Variants in PLCH2 observed in about 807,000 individuals in gnomAD.
PLCH2 encodes phospholipase C eta 2, also known as 1-phosphatidylinositol 4,5-bisphosphate phosphodiesterase eta-2.
A neutral mutation model predicts 134.7 loss-of-function variants in PLCH2; 98 were observed. That is an observed-to-expected ratio of 0.73 (90% CI 0.62 to 0.86). The LOEUF (loss-of-function observed/expected upper bound fraction) is 0.86, where lower values mean the gene tolerates loss of function less well. Ranked by LOEUF, PLCH2 falls within the 40% of genes least tolerant of loss-of-function variation. PLCH2 has a pLI of 0.00. For missense variants in PLCH2, 1,994 were observed against 1,986.6 expected (o/e 1.00, Z -0.07); for synonymous variants, 974 against 827.5 (o/e 1.18, Z -3.04).
rs1212527145 is a variant in PLCH2, at chr1:2,429,935, T to C, written c.-177-403T>C. Among the ~76,000 whole-genome samples, 3 of 152,186 alleles carry C rather than the reference T, an allele frequency of 2.0e-5. No individual in the cohort carries two copies. In the South Asian group the frequency reaches 6.2e-4, roughly 31 times the overall value. On this transcript the variant is annotated intron_variant, in intron 1 of 3. Coordinates refer to the PLCH2 transcript ENST00000609981. ...CTTTGCAAATGTGCTCCTGGGAGAC[T>C]GGCTGGTTTCTGTAAAGCGACTCCT...
At position 2,502,328 on chromosome 1, in the gene PLCH2, G is replaced by A. The variant is rs1262017662; in HGVS notation, c.2878G>A (p.Ala960Thr). Residue 960 changes from alanine to threonine, a missense_variant, in exon 21 of 22, where the codon GCA (alanine) becomes ACA (threonine). Ala to Thr is a moderately conservative substitution (Grantham distance 58). Around this residue, in one of 2 missense-constraint regions of PLCH2, gnomAD observed 900 missense variants for 752.3 expected, o/e 1.20. Transcript: ENST00000378486. ...GTRDTGSKGV[A>T]DDVVPPGPGP... is the part of the protein sequence containing the mutation. The stretch of plus-strand genomic sequence containing the variant: ...ACGGGACACAGGCTCCAAGGGGGTG[G>A]CAGACGATGTGGTGCCCCCCGGGCC... The A allele has an allele frequency of 6.5e-7, 1 of 1,535,250 alleles. No individual in the cohort carries two copies. The highest frequency in any genetic ancestry group is 8.8e-7 in the Non-Finnish European group (1 of 1,141,546).
intron 10 of PLCH2, among the ~76,000 whole-genome samples, chr1:2,490,112 A>G (rs1403031416): frequency 7.3e-6 from 1 of 136,790 alleles, no homozygotes; most frequent in South Asian, 2.3e-4. Flanking sequence ...TTGGGGTACC[A>G]TCCACTCCCC....
In PLCH2 at chr1:2,504,359, C is replaced by T. The variant is rs199730125; in HGVS notation, c.3397C>T (p.Arg1133Trp). Residue 1133 changes from arginine (R) to tryptophan (W), a missense_variant, in exon 22 of 22, where the codon CGG (arginine) becomes TGG (tryptophan). Physicochemically the swap from Arg to Trp is moderately radical, Grantham distance 101. This residue lies in a region of PLCH2 where 900 missense variants were observed against 752.3 expected (regional missense o/e 1.20). Transcript: ENST00000378486. ...DATGSDPLWQ[R>W]LEPCGHRDSV... is the part of the protein sequence containing the mutation. The stretch of plus-strand genomic sequence containing the variant: ...CACGGGCAGTGACCCGCTGTGGCAG[C>T]GGCTGGAGCCATGTGGCCACCGAGA... The T allele has an allele frequency of 2.9e-4, 469 of 1,610,182 alleles. 2 individuals carry two copies. In the Middle Eastern group the frequency reaches 3.3e-3, roughly 11 times the overall value.
chr1:2,494,984 G>C, intron 12 of PLCH2, 36 bp downstream of exon 12: 1 of 1,435,620 alleles, frequency 7.0e-7, no homozygotes, highest in South Asian at 1.2e-5. Context: ...TCCCGGTCTG[G>C]GCCCAGTGTC....
At chr1:2,426,859 G>A (rs956524834) in intron 1 of PLCH2, among the ~76,000 whole-genome samples, 2 of 152,266 alleles carry the variant, frequency 1.3e-5, no homozygotes. Context: ...TGGGGGCAGC[G>A]GCTGAGCTTG....
chr1:2,480,359 GGGGGCTGTGCT>G (rs1352102637), intron 4 of PLCH2, 47 bp downstream of exon 4: 2 of 1,589,898 alleles, frequency 1.3e-6, no homozygotes, highest in Non-Finnish European at 1.7e-6. Flanking sequence ...AGGGCTGCAC[GGGGGCTGTGCT>G]TGTGTGGCTG....
At chr1:2,442,418 C>T (rs1175199332) in intron 2 of PLCH2, among the ~76,000 whole-genome samples, 1 of 152,220 alleles carries the variant, frequency 6.6e-6, no homozygotes, top group African/African-American at 2.4e-5. Flanking sequence ...GAGTGACACG[C>T]TCCCACGCAC....
chr1:2,503,133 CTGGTT>C, intron 21 of PLCH2: 1 of 666,630 alleles, frequency 1.5e-6, no homozygotes, highest in Non-Finnish European at 2.7e-6. Flanking sequence ...TTGGGTGGAG[CTGGTT>C]TGAGGCCCGA....
chr1:2,491,263 G>A lies in PLCH2; in HGVS notation c.1587G>A (p.Lys529=). The change falls in exon 11 of 22, where the codon AAG becomes AAA. Residue 529 remains lysine, a synonymous_variant. Coordinates refer to ENST00000378486, the MANE Select transcript of PLCH2 (RefSeq NM_014638.4). ...RKLDSLIKES[K]IRDCEDPNNF... ...TGGATTCCCTCATCAAAGAGTCGAA[G>A]ATTCGGGACTGTGAGGACCCCAACA... The A allele has an allele frequency of 6.2e-7, 1 of 1,613,380 alleles. No individual in the cohort carries two copies. Among genetic ancestry groups the A allele is most frequent in the South Asian group, 1.1e-5 (1 of 91,086 alleles).
At chr1:2,487,798 C>G in intron 8 of PLCH2, 80 bp downstream of exon 8, 2 of 1,333,466 alleles carry the variant, frequency 1.5e-6, no homozygotes, top group Non-Finnish European at 2.1e-6. Context: ...CCTGCCACAC[C>G]CACATGTCCT....
chr1:2,501,899 G>A lies in PLCH2; in HGVS notation c.2662-213G>A, dbSNP rs529521388. 1,588 of 500,646 alleles carry A rather than the reference G, an allele frequency of 3.2e-3. 7 individuals carry two copies. The highest frequency in any genetic ancestry group is 4.6e-3 in the Non-Finnish European group (1,329 of 288,184). The allele number at this position is 500,646 out of a possible 1,614,324, so 31.0% of individuals were successfully genotyped here. A position where few individuals can be genotyped will look rare whatever the true frequency, so the allele number is the denominator to read the frequency against. On this transcript the variant is annotated intron_variant, in intron 20 of 21. Transcript: ENST00000378486. The stretch of plus-strand genomic sequence containing the variant: ...GGGTGGGCCATGTGTACTTAGATCT[G>A]TAGCAGCTACTGTCCCAGGCAGAGC...
At chr1:2,425,107 G>A (rs1638716813), upstream of PLCH2, among the ~76,000 whole-genome samples, 1 of 150,298 alleles carries the variant, frequency 6.7e-6, no homozygotes, top group Non-Finnish European at 1.5e-5. Context: ...AGGCTGCAGT[G>A]AGCGGAGATC....
chr1:2,496,786 G>A lies in PLCH2; in HGVS notation c.1934-42G>A, dbSNP rs750003983. ...GCTATGCTGCTGGGCGCCGGGCGAG[G>A]TCGAGGACTGGCAGTCTGATGCCCG... On this transcript the variant is annotated intron_variant, in intron 14 of 21. Transcript: ENST00000378486. 1.1e-5 allele frequency: 18 copies of A among 1,610,660 alleles called. 1 individual carries two copies. In the South Asian group the frequency reaches 1.9e-4, roughly 17 times the overall value.
intron 2 of PLCH2, among the ~76,000 whole-genome samples, chr1:2,456,398 C>T (rs1231410976): frequency 6.6e-6 from 1 of 152,230 alleles, no homozygotes; most frequent in African/African-American, 2.4e-5. Context: ...GCGGGTGGCG[C>T]TCTAGCCACG....
chr1:2,504,116 C>T lies in PLCH2; in HGVS notation c.3154C>T (p.Arg1052Ter), dbSNP rs369709463. The change falls in exon 22 of 22, where the codon CGA becomes TGA. Residue 1052 changes from arginine to a stop codon, truncating the protein, a stop_gained. Transcript: ENST00000378486. LOFTEE classifies it high-confidence loss of function. Reference protein sequence around the residue: ...ASPLEDTEEPRDSRPRPCNGE... With the variant: ...ASPLEDTEEP ...CCCCCTAGAGGACACTGAGGAGCCC[C>T]GAGACAGCAGGCCTCGGCCGTGCAA... 1.4e-5 allele frequency: 22 copies of T among 1,524,764 alleles called. No homozygotes were observed. Among genetic ancestry groups the T allele is most frequent in the African/African-American group, 5.6e-5 (4 of 71,382 alleles). 94.5% of individuals were successfully genotyped at this position (1,524,764 alleles called of 1,614,324 possible).
chr1:2,427,764 C>T lies in PLCH2; in HGVS notation c.-178+1727C>T, dbSNP rs1002119430. The stretch of plus-strand genomic sequence containing the variant: ...ACCGCAGGTATTGAAACAGAAGCAG[C>T]CGGCGAGCCCTCCAGAAGTGGGAGC... On this transcript the variant is annotated intron_variant, in intron 1 of 3. Coordinates refer to the PLCH2 transcript ENST00000609981. Among the ~76,000 whole-genome samples, 5 of 152,086 alleles carry T rather than the reference C, an allele frequency of 3.3e-5. No individual in the cohort carries two copies. The South Asian group carries it at 1.0e-3, about 31-fold the overall frequency.
the PLCH2 span, among the ~76,000 whole-genome samples, chr1:2,419,970 C>G: frequency 3.3e-5 from 5 of 151,044 alleles, no homozygotes; most frequent in East Asian, 2.0e-4. Context: ...AGTCCCCCCC[C>G]CACCCCCAGG....
At chr1:2,454,585 A>C (rs1053741607) in intron 2 of PLCH2, among the ~76,000 whole-genome samples, 13 of 152,020 alleles carry the variant, frequency 8.6e-5, no homozygotes, top group African/African-American at 3.1e-4. Context: ...GGTGGACCCC[A>C]GGCCTTCCTG....
At chr1:2,462,968 C>G (rs1338165768), upstream of PLCH2, among the ~76,000 whole-genome samples, 3 of 152,188 alleles carry the variant, frequency 2.0e-5, no homozygotes, top group Admixed American at 6.5e-5. Flanking sequence ...GAAAGCAACA[C>G]GGAATTCGCT....
Sources: allele counts gnomAD v4.1 joint callset (sites outside exome capture counted in the v4.1 genomes callset), GRCh38; gene constraint gnomAD v4.1.1; regional missense constraint gnomAD v4.1.1; transcripts MANE v1.5; gene names NCBI Gene and HGNC (gene_info 2026-07-23, HGNC 2026-07-21).